The following GRIK3 variants were observed in gnomAD, a reference collection of about 807,000 sequenced individuals.
GRIK3 encodes the protein glutamate ionotropic receptor kainate type subunit 3.
GRIK3 carries 29 observed loss-of-function variants against 102.5 expected under a neutral mutation model. The ratio of observed to expected loss-of-function variants is 0.28; its 90% CI spans 0.21 to 0.39. GRIK3 has a LOEUF of 0.39. Ranked by LOEUF, GRIK3 falls within the 10% of genes least tolerant of loss-of-function variation. GRIK3 has a pLI of 1.00. For synonymous variants in GRIK3, 511 were observed against 504.9 expected, an observed-to-expected ratio of 1.01 and a Z score of -0.16; for missense variants, 908 against 1,252.4, an observed-to-expected ratio of 0.73 and a Z score of 4.15.
At chr1:36,943,947 T>C (rs1641755446) in intron 1 of GRIK3, among the ~76,000 whole-genome samples, 1 of 152,198 alleles carries the variant, frequency 6.6e-6, no homozygotes, top group South Asian at 2.1e-4. Context: ...GGTATCTCCA[T>C]ATGGGTGAGA....
chr1:36,869,336 C>T (rs1033539071), intron 5 of GRIK3, among the ~76,000 whole-genome samples: 2 of 152,148 alleles, frequency 1.3e-5, no homozygotes, highest in African/African-American at 2.4e-5. Flanking sequence ...AACCGAGGGC[C>T]ATGATAATCA....
At chr1:36,943,912 T>C (rs374215524) in intron 1 of GRIK3, among the ~76,000 whole-genome samples, 82 of 152,224 alleles carry the variant, frequency 5.4e-4, no homozygotes, top group African/African-American at 1.8e-3. Flanking sequence ...CACACTGTTT[T>C]TCCTGGTCCT....
rs1640841734 is a variant in GRIK3 at position 36,871,341 on chromosome 1, C to G, written c.732+847G>C. 2.0e-5 allele frequency among the ~76,000 whole-genome samples: 3 copies of G among 152,204 alleles called. No individual in the cohort carries two copies. The South Asian group carries it at 6.2e-4, about 32-fold the overall frequency. ...ACTGGAGGATGGGACTTGAGCCCCTCAAGGCCTCGAGAACACTCCGGCTCA... is the reference window on the plus strand; with the variant it reads ...ACTGGAGGATGGGACTTGAGCCCCTGAAGGCCTCGAGAACACTCCGGCTCA... On this transcript the variant is annotated intron_variant, in intron 4 of 15. Coordinates refer to ENST00000373091, the MANE Select transcript of GRIK3 (RefSeq NM_000831.4).
At chr1:36,978,731 G>C (rs1642219442) in intron 1 of GRIK3, among the ~76,000 whole-genome samples, 1 of 152,202 alleles carries the variant, frequency 6.6e-6, no homozygotes. Flanking sequence ...TGCACGCCAG[G>C]CTAGTCCATA....
At chr1:36,938,769 G>T (rs769773075) in intron 1 of GRIK3, among the ~76,000 whole-genome samples, 4 of 152,176 alleles carry the variant, frequency 2.6e-5, no homozygotes, top group Non-Finnish European at 5.9e-5. Context: ...AGTGACTGTT[G>T]GGGGGTTGAC....
At chr1:36,963,291 A>G (rs1276519753) in intron 1 of GRIK3, among the ~76,000 whole-genome samples, 1 of 152,126 alleles carries the variant, frequency 6.6e-6, no homozygotes. Context: ...AGCAGGCAAT[A>G]GAGAAAACAG....
chr1:36,895,354 A>G (rs575946403), intron 1 of GRIK3, among the ~76,000 whole-genome samples: 3 of 152,280 alleles, frequency 2.0e-5, no homozygotes, highest in African/African-American at 7.2e-5. Context: ...CAAAACAACT[A>G]TGATTAATAT....
chr1:36,806,183 G>A lies in GRIK3; in HGVS notation c.2235C>T (p.Tyr745=), dbSNP rs763045219. The change falls in exon 14 of 16, where the codon TAC becomes TAT. Residue 745 remains tyrosine, a synonymous_variant. Transcript: ENST00000373091. This position sits in a 1 kb window ranked among gnomAD's most constrained non-coding sequence, Gnocchi z 4.0. The stretch of plus-strand genomic sequence containing the variant: ...TGAGGTTGCAGTTCCTCTGCGTGAC[G>A]TACTCGATGGTGGTGGACTCCATGA... ...ALLMESTTIE[Y]VTQRNCNLTQ... is the part of the protein sequence containing the mutation. The A allele has an allele frequency of 8.1e-6, 13 of 1,613,992 alleles. No individual in the cohort carries two copies. The highest frequency in any genetic ancestry group is 3.3e-5 in the Admixed American group (2 of 60,006).
chr1:37,025,451 T>C (rs1296682415), intron 1 of GRIK3, among the ~76,000 whole-genome samples: 3 of 152,212 alleles, frequency 2.0e-5, no homozygotes, highest in Non-Finnish European at 4.4e-5. Context: ...CACATGCTAA[T>C]ATTTGAGAAC....
intron 7 of GRIK3, among the ~76,000 whole-genome samples, chr1:36,855,270 T>C (rs1452199235): frequency 6.6e-6 from 1 of 152,192 alleles, no homozygotes; most frequent in African/African-American, 2.4e-5. Context: ...CTCCGAGCCA[T>C]GCTCCCTTGC....
chr1:37,002,718 A>C (rs1642491277), intron 1 of GRIK3, among the ~76,000 whole-genome samples: 1 of 142,368 alleles, frequency 7.0e-6, no homozygotes. Context: ...TTACTCTGTC[A>C]CCCAGGCTGG....
chr1:36,991,227 C>T (rs1171487312), intron 1 of GRIK3, among the ~76,000 whole-genome samples: 3 of 152,194 alleles, frequency 2.0e-5, no homozygotes, highest in South Asian at 2.1e-4. Context: ...GCATCTAGAA[C>T]GGTGTAGGTA....
chr1:36,940,932 G>T (rs1472611793), intron 1 of GRIK3, among the ~76,000 whole-genome samples: 1 of 152,172 alleles, frequency 6.6e-6, no homozygotes, highest in East Asian at 1.9e-4. Context: ...TTCCCAATCA[G>T]ACCCAAACAC....
chr1:37,029,101 C>T (rs923121575), intron 1 of GRIK3, among the ~76,000 whole-genome samples: 8 of 151,150 alleles, frequency 5.3e-5, no homozygotes, highest in Non-Finnish European at 7.3e-5. Flanking sequence ...GGCACACTGC[C>T]CTCTGGTGCT....
intron 1 of GRIK3, among the ~76,000 whole-genome samples, chr1:36,952,865 A>G (rs1272104114): frequency 6.6e-6 from 1 of 152,174 alleles, no homozygotes; most frequent in African/African-American, 2.4e-5. Context: ...CTTGAAGCCA[A>G]ATCTGGAGGA....
chr1:37,002,953 T>C (rs903871465), intron 1 of GRIK3, among the ~76,000 whole-genome samples: 5 of 151,916 alleles, frequency 3.3e-5, no homozygotes, highest in Non-Finnish European at 5.9e-5. Flanking sequence ...TTGCATTTCT[T>C]ACAGCCTTTC....
At chr1:36,811,683 C>T (rs1406131153) in intron 13 of GRIK3, among the ~76,000 whole-genome samples, 7 of 152,092 alleles carry the variant, frequency 4.6e-5, no homozygotes, top group South Asian at 4.2e-4. Context: ...GAGGGAATTT[C>T]GGGGCAAGAG....
At chr1:36,837,233 C>T (rs1419656570) in intron 10 of GRIK3, among the ~76,000 whole-genome samples, 1 of 152,184 alleles carries the variant, frequency 6.6e-6, no homozygotes, top group African/African-American at 2.4e-5. Flanking sequence ...CTCCTTCCTC[C>T]AAGTGCCCAG....
chr1:36,841,663 C>T (rs57853311), intron 10 of GRIK3, 73 bp downstream of exon 10: 1 of 1,297,090 alleles, frequency 7.7e-7, no homozygotes, highest in Non-Finnish European at 1.1e-6. Context: ...GCTGCCCAGC[C>T]CTGTGGTGCA....
Sources: allele counts gnomAD v4.1 joint callset (sites outside exome capture counted in the v4.1 genomes callset), GRCh38; gene constraint gnomAD v4.1.1; non-coding constraint Gnocchi (gnomAD v3.1); transcripts MANE v1.5; gene names NCBI Gene and HGNC (gene_info 2026-07-23, HGNC 2026-07-21).